Variants in EYS observed in about 807,000 individuals in gnomAD.
The protein encoded by EYS is EGF-like photoreceptor maintenance factor, also known as protein eyes shut homolog.
In EYS, 250 loss-of-function variants were observed where a neutral mutation model predicts 282.1. That is an observed-to-expected ratio of 0.89 (90% CI 0.80 to 0.98). The LOEUF is 0.98. EYS is among the 50% of genes least tolerant of loss of function. EYS has a pLI of 0.00. For synonymous variants in EYS, 1,355 were observed against 1,282.9 expected, an observed-to-expected ratio of 1.06 and a Z score of -1.20; for missense variants, 4,016 against 3,709.0, an observed-to-expected ratio of 1.08 and a Z score of -2.15.
At chr6:65,511,623 C>G (rs1766871217) in intron 2 of EYS, among the ~76,000 whole-genome samples, 1 of 151,878 alleles carries the variant, frequency 6.6e-6, no homozygotes, top group Non-Finnish European at 1.5e-5. Flanking sequence ...CAATTTTATT[C>G]CAATTTATGG....
At chr6:65,628,060 C>G (rs1766780251) in intron 2 of EYS, among the ~76,000 whole-genome samples, 1 of 152,210 alleles carries the variant, frequency 6.6e-6, no homozygotes, top group South Asian at 2.1e-4. Context: ...ATTGTAAACA[C>G]ACCAATCAGC....
chr6:65,410,098 C>T (rs368756464), intron 5 of EYS, among the ~76,000 whole-genome samples: 2 of 151,898 alleles, frequency 1.3e-5, no homozygotes, highest in South Asian at 4.2e-4. Flanking sequence ...CTTAATTAGA[C>T]ATAAATATTA....
chr6:63,813,273 C>G (rs1358305218), intron 36 of EYS, among the ~76,000 whole-genome samples: 2 of 152,186 alleles, frequency 1.3e-5, no homozygotes, highest in Admixed American at 1.3e-4. Flanking sequence ...AGCCACCAGG[C>G]CTGGCCCAAA....
intron 30 of EYS, among the ~76,000 whole-genome samples, chr6:64,256,586 A>C (rs1767409385): frequency 6.6e-6 from 1 of 152,028 alleles, no homozygotes; most frequent in Admixed American, 6.6e-5. Flanking sequence ...AGCAGAAGAA[A>C]AGCCTCTACT....
intron 29 of EYS, among the ~76,000 whole-genome samples, chr6:64,375,822 T>A (rs1185784025): frequency 4.6e-5 from 7 of 152,202 alleles, no homozygotes; most frequent in Non-Finnish European, 1.0e-4. Context: ...TAAAAAATGA[T>A]ACATTCTGTA....
chr6:65,057,109 G>C (rs1249115742), intron 13 of EYS, among the ~76,000 whole-genome samples: 1 of 151,914 alleles, frequency 6.6e-6, no homozygotes, highest in Non-Finnish European at 1.5e-5. Flanking sequence ...CTATATACTA[G>C]TTGCAATAAT....
chr6:64,831,757 A>G (rs2150028527), intron 19 of EYS, among the ~76,000 whole-genome samples: 1 of 152,088 alleles, frequency 6.6e-6, no homozygotes, highest in Non-Finnish European at 1.5e-5. Flanking sequence ...GTTTATTGTA[A>G]AAGTTATAAA....
At position 64,890,206 on chromosome 6, in the gene EYS, G is replaced by A. The variant is rs575946611; in HGVS notation, c.2847-3364C>T. Among the ~76,000 whole-genome samples, 16 of 152,182 alleles carry A rather than the reference G, an allele frequency of 1.1e-4. No individual in the cohort carries two copies. The South Asian group carries it at 1.5e-3, about 14-fold the overall frequency. On this transcript the variant is annotated intron_variant, in intron 18 of 42. Transcript: ENST00000503581. ...CTCTCAAAACCCTGTCTCCTGATAA[G>A]ATGTTATCAATGACAATGGTGCCCA...
intron 28 of EYS, among the ~76,000 whole-genome samples, chr6:64,411,157 T>G (rs1252549984): frequency 5.3e-5 from 8 of 152,108 alleles, no homozygotes; most frequent in African/African-American, 1.9e-4. Flanking sequence ...TGACAGCTAT[T>G]TAATGATATA....
At chr6:63,808,458 G>T (rs1770961544) in intron 36 of EYS, among the ~76,000 whole-genome samples, 1 of 152,184 alleles carries the variant, frequency 6.6e-6, no homozygotes, top group South Asian at 2.1e-4. Context: ...GTGAATCATA[G>T]ATTAGACAGA....
chr6:63,937,826 A>G (rs910471259), intron 35 of EYS, among the ~76,000 whole-genome samples: 1 of 152,120 alleles, frequency 6.6e-6, no homozygotes, highest in East Asian at 1.9e-4. Flanking sequence ...TCCTCTCCCA[A>G]TCCATTTCAT....
chr6:65,031,779 A>G (rs1480212552), intron 13 of EYS, among the ~76,000 whole-genome samples: 1 of 152,120 alleles, frequency 6.6e-6, no homozygotes. Context: ...TCAAAGAGTT[A>G]GGAAGATATC....
chr6:65,292,058 C>T (rs1768541931), intron 12 of EYS, among the ~76,000 whole-genome samples: 1 of 151,576 alleles, frequency 6.6e-6, no homozygotes, highest in Non-Finnish European at 1.5e-5. Context: ...GAATTTAAGG[C>T]ACAACCCCGG....
intron 13 of EYS, among the ~76,000 whole-genome samples, chr6:65,038,534 A>G (rs1216327694): frequency 1.3e-5 from 2 of 151,502 alleles, no homozygotes; most frequent in African/African-American, 4.8e-5. Flanking sequence ...TAAAACTGCT[A>G]TAAACATGCT....
At chr6:65,392,081 T>C (rs1174406795) in intron 7 of EYS, among the ~76,000 whole-genome samples, 1 of 152,200 alleles carries the variant, frequency 6.6e-6, no homozygotes, top group Non-Finnish European at 1.5e-5. Flanking sequence ...AAGGATTCCC[T>C]ATTTAATAAA....
At position 64,877,337 on chromosome 6, in the gene EYS, A is replaced by T. The variant is rs547143548; in HGVS notation, c.2992+9360T>A. The stretch of plus-strand genomic sequence containing the variant: ...TACCTGAATGAACATGTTAGTAGTT[A>T]TTTGGGTATATGAGTTGAGAGTTCA... On this transcript the variant is annotated intron_variant, in intron 19 of 42. Transcript: ENST00000503581. 3.3e-5 allele frequency among the ~76,000 whole-genome samples: 5 copies of T among 152,284 alleles called. No individual in the cohort carries two copies. In the South Asian group the frequency reaches 1.0e-3, roughly 32 times the overall value.
Position 64,593,192 on chromosome 6 carries a change from T to C in EYS, c.3802A>G (p.Thr1268Ala), listed in dbSNP as rs1360335667. 6.5e-6 allele frequency: 10 copies of C among 1,549,878 alleles called. No individual in the cohort carries two copies. Among genetic ancestry groups the C allele is most frequent in the Non-Finnish European group, 8.7e-6 (10 of 1,146,194 alleles). The change falls in exon 25 of 43, where the codon ACT becomes GCT. Residue 1268 changes from threonine to alanine, a missense_variant. Coordinates refer to ENST00000503581, the MANE Select transcript of EYS (RefSeq NM_001142800.2). Reference protein sequence around the residue: ...TQTYTIPPSETLVSSFPSIKA... With the variant: ...TQTYTIPPSEALVSSFPSIKA... Reference sequence around the variant, plus strand: ...ATAGATGGAAAGCTGCTGACCAAAGTCTCAGAAGGGGGAATTGTATATGTC... The same window carrying C: ...ATAGATGGAAAGCTGCTGACCAAAGCCTCAGAAGGGGGAATTGTATATGTC...
At chr6:63,906,030 G>C (rs1189375667) in intron 35 of EYS, among the ~76,000 whole-genome samples, 2 of 152,138 alleles carry the variant, frequency 1.3e-5, no homozygotes, top group Admixed American at 1.3e-4. Flanking sequence ...TATTTAAAAA[G>C]CAATGTATGC....
chr6:63,964,684 A>G (rs185286306), intron 35 of EYS, among the ~76,000 whole-genome samples: 1 of 152,358 alleles, frequency 6.6e-6, no homozygotes, highest in East Asian at 1.9e-4. Flanking sequence ...AAGTCACAGT[A>G]TAAATCAGAA....
Sources: allele counts gnomAD v4.1 joint callset (sites outside exome capture counted in the v4.1 genomes callset), GRCh38; gene constraint gnomAD v4.1.1; transcripts MANE v1.5; gene names NCBI Gene and HGNC (gene_info 2026-07-23, HGNC 2026-07-21).